CADM2: variants seen among roughly 807,000 people sequenced by gnomAD.
CADM2 encodes the protein cell adhesion molecule 2, also known as immunoglobulin superfamily member 4D.
CADM2 carries 12 observed loss-of-function variants against 49.8 expected under a neutral mutation model. The ratio of observed to expected loss-of-function variants is 0.24; its 90% CI spans 0.15 to 0.39. The LOEUF (loss-of-function observed/expected upper bound fraction) is 0.39. CADM2 is among the 10% of genes least tolerant of loss of function. CADM2 has a pLI of 1.00. For missense variants in CADM2, 378 were observed against 492.3 expected, an observed-to-expected ratio of 0.77 and a Z score of 2.20; for synonymous variants, 214 against 175.4, an observed-to-expected ratio of 1.22 and a Z score of -1.74.
At chr3:85,198,413 T>C (rs981578534) in intron 1 of CADM2, among the ~76,000 whole-genome samples, 1 of 151,684 alleles carries the variant, frequency 6.6e-6, no homozygotes, top group Non-Finnish European at 1.5e-5. Flanking sequence ...TTTTTCACTG[T>C]TTACAACCCA....
intron 1 of CADM2, among the ~76,000 whole-genome samples, chr3:85,584,189 A>G (rs1458600483): frequency 2.0e-5 from 3 of 152,038 alleles, no homozygotes; most frequent in Non-Finnish European, 4.4e-5. Flanking sequence ...TTCAGTTGTA[A>G]TATTTAATGA....
chr3:85,634,012 C>A (rs1233262893), intron 1 of CADM2, among the ~76,000 whole-genome samples: 1 of 151,856 alleles, frequency 6.6e-6, no homozygotes, highest in African/African-American at 2.4e-5. Context: ...TGGAATAATA[C>A]AAATATAAAA....
chr3:85,340,235 G>A (rs950881724), intron 1 of CADM2, among the ~76,000 whole-genome samples: 1 of 151,408 alleles, frequency 6.6e-6, no homozygotes, highest in Non-Finnish European at 1.5e-5. Context: ...TTTCATTAAC[G>A]AAATTGATTT....
chr3:85,634,274 A>G (rs148972042), intron 1 of CADM2, among the ~76,000 whole-genome samples: 273 of 152,196 alleles, frequency 1.8e-3, no homozygotes, highest in African/African-American at 6.1e-3. Context: ...TTAGTATATT[A>G]GAAGAATTTC....
At chr3:85,966,380 T>C (rs1725474904) in intron 8 of CADM2, among the ~76,000 whole-genome samples, 1 of 151,700 alleles carries the variant, frequency 6.6e-6, no homozygotes, top group African/African-American at 2.4e-5. Flanking sequence ...TCAAATTTAT[T>C]TTTTCTTTTA....
At chr3:85,094,591 T>C (rs2037724502) in intron 1 of CADM2, among the ~76,000 whole-genome samples, 1 of 152,146 alleles carries the variant, frequency 6.6e-6, no homozygotes, top group Non-Finnish European at 1.5e-5. Context: ...CTGAGTTTTC[T>C]TTAAAATGAT....
chr3:85,913,740 C>A (rs1450127226), intron 6 of CADM2, among the ~76,000 whole-genome samples: 1 of 152,088 alleles, frequency 6.6e-6, no homozygotes, highest in East Asian at 1.9e-4. Context: ...TGGAACATAT[C>A]ACATGTTACA....
intron 1 of CADM2, among the ~76,000 whole-genome samples, chr3:85,323,933 A>C (rs957851230): frequency 6.6e-6 from 1 of 152,180 alleles, no homozygotes; most frequent in African/African-American, 2.4e-5. Flanking sequence ...TGAGAGAATA[A>C]CATTGTTGAG....
chr3:85,038,233 C>G (rs913781199), intron 1 of CADM2, among the ~76,000 whole-genome samples: 1 of 152,086 alleles, frequency 6.6e-6, no homozygotes, highest in Non-Finnish European at 1.5e-5. Context: ...TTTGTGAGAC[C>G]TGAGGCAAAT....
At chr3:85,305,631 T>G (rs1377469044) in intron 1 of CADM2, among the ~76,000 whole-genome samples, 1 of 151,678 alleles carries the variant, frequency 6.6e-6, no homozygotes, top group Non-Finnish European at 1.5e-5. Context: ...GTTGACATTA[T>G]AAATATAAAC....
chr3:85,558,740 G>A (rs757233886), intron 1 of CADM2, among the ~76,000 whole-genome samples: 1 of 152,000 alleles, frequency 6.6e-6, no homozygotes, highest in African/African-American at 2.4e-5. Flanking sequence ...CCAATATTTA[G>A]TATGTATGAA....
At chr3:85,680,768 C>G (rs554283745) in intron 1 of CADM2, among the ~76,000 whole-genome samples, 2 of 152,256 alleles carry the variant, frequency 1.3e-5, no homozygotes, top group Non-Finnish European at 2.9e-5. Flanking sequence ...TCACAAACTG[C>G]TTGCTTTCTG....
At chr3:85,568,878 A>G (rs1173481006) in intron 1 of CADM2, among the ~76,000 whole-genome samples, 2 of 151,914 alleles carry the variant, frequency 1.3e-5, no homozygotes, top group African/African-American at 2.4e-5. Context: ...AATACGGACA[A>G]TATTCTGAAC....
chr3:85,545,616 C>T (rs367576784), intron 1 of CADM2, among the ~76,000 whole-genome samples: 1 of 152,096 alleles, frequency 6.6e-6, no homozygotes, highest in Non-Finnish European at 1.5e-5. Flanking sequence ...ATCATGTTTC[C>T]TAGATGCTCT....
intron 1 of CADM2, among the ~76,000 whole-genome samples, chr3:85,686,600 C>T (rs979176488): frequency 6.0e-4 from 91 of 152,142 alleles, no homozygotes; most frequent in African/African-American, 2.1e-3. Flanking sequence ...GACTTCTGTC[C>T]AGTTTATATG....
intron 1 of CADM2, among the ~76,000 whole-genome samples, chr3:85,094,131 A>G (rs1053304067): frequency 1.7e-4 from 26 of 152,156 alleles, no homozygotes. Flanking sequence ...CCGAGCCAAT[A>G]CAATGTAGAA....
At chr3:85,638,095 A>C (rs2064573380) in intron 1 of CADM2, among the ~76,000 whole-genome samples, 1 of 152,196 alleles carries the variant, frequency 6.6e-6, no homozygotes, top group Non-Finnish European at 1.5e-5. Context: ...AGTTCAGTAA[A>C]TGTTGATTTG....
chr3:85,011,575 T>C (rs2107255763), intron 1 of CADM2, among the ~76,000 whole-genome samples: 1 of 152,322 alleles, frequency 6.6e-6, no homozygotes, highest in Admixed American at 6.5e-5. Context: ...AAACTAAACA[T>C]TGTGTTTGTT....
intron 2 of CADM2, among the ~76,000 whole-genome samples, chr3:85,766,724 C>T (rs926258682): frequency 6.6e-6 from 1 of 152,114 alleles, no homozygotes; most frequent in African/African-American, 2.4e-5. Flanking sequence ...GTTGATGAGT[C>T]CCATTGTCCA....
Sources: allele counts gnomAD v4.1 joint callset (sites outside exome capture counted in the v4.1 genomes callset), GRCh38; gene constraint gnomAD v4.1.1; transcripts MANE v1.5; gene names NCBI Gene and HGNC (gene_info 2026-07-23, HGNC 2026-07-21).